The following MEIKIN variants were observed in gnomAD, a reference collection of about 807,000 sequenced individuals.
MEIKIN encodes the protein meiosis-specific kinetochore protein.
chr5:131,933,898 C>A (rs1432042940), intron 4 of MEIKIN, among the ~76,000 whole-genome samples: 1 of 149,630 alleles, frequency 6.7e-6, no homozygotes, highest in Admixed American at 6.6e-5. Flanking sequence ...CAACTTACTC[C>A]TTTTCTCTAG....
chr5:131,928,923 T>C (rs1751636728), intron 5 of MEIKIN, among the ~76,000 whole-genome samples: 1 of 152,240 alleles, frequency 6.6e-6, no homozygotes, highest in South Asian at 2.1e-4. Context: ...TATACTTTCA[T>C]GTTACTGTTT....
At chr5:131,827,940 C>T (rs1395019693) in intron 11 of MEIKIN, among the ~76,000 whole-genome samples, 1 of 151,682 alleles carries the variant, frequency 6.6e-6, no homozygotes, top group African/African-American at 2.4e-5. Context: ...CCCAGCTACT[C>T]AGGACGGCTG....
chr5:131,810,747 A>G (rs1772937727), intron 12 of MEIKIN, among the ~76,000 whole-genome samples: 1 of 152,186 alleles, frequency 6.6e-6, no homozygotes. Context: ...TCACTATTCC[A>G]ACGACTTACC....
chr5:131,867,330 G>A (rs537713901), intron 9 of MEIKIN, among the ~76,000 whole-genome samples: 7 of 152,214 alleles, frequency 4.6e-5, no homozygotes, highest in Non-Finnish European at 1.0e-4. Context: ...CTATACAATA[G>A]TGGTCTATTT....
intron 9 of MEIKIN, among the ~76,000 whole-genome samples, chr5:131,857,008 C>A (rs970110529): frequency 6.6e-6 from 1 of 150,830 alleles, no homozygotes; most frequent in Non-Finnish European, 1.5e-5. Context: ...GCACAACGTG[C>A]AGGTTAGTTA....
At chr5:131,927,354 C>G (rs1751603780) in intron 5 of MEIKIN, among the ~76,000 whole-genome samples, 1 of 152,156 alleles carries the variant, frequency 6.6e-6, no homozygotes, top group South Asian at 2.1e-4. Flanking sequence ...TTTCAGTCTT[C>G]CATTTGTTAA....
At chr5:131,873,967 C>T (rs922358709) in intron 9 of MEIKIN, among the ~76,000 whole-genome samples, 1 of 152,110 alleles carries the variant, frequency 6.6e-6, no homozygotes, top group African/African-American at 2.4e-5. Context: ...ACACAACATA[C>T]CAGAATCTCT....
chr5:131,824,650 A>G (rs1031406297), intron 11 of MEIKIN, among the ~76,000 whole-genome samples: 26 of 152,336 alleles, frequency 1.7e-4, no homozygotes, highest in Non-Finnish European at 1.9e-4. Flanking sequence ...AAGAAGCAGA[A>G]TAGATAGATA....
At chr5:131,932,771 G>A (rs551446311) in intron 5 of MEIKIN, among the ~76,000 whole-genome samples, 1 of 152,318 alleles carries the variant, frequency 6.6e-6, no homozygotes, top group Admixed American at 6.5e-5. Flanking sequence ...CTTTGAGCAG[G>A]AAAGGAGCAG....
intron 8 of MEIKIN, among the ~76,000 whole-genome samples, chr5:131,885,614 C>G (rs1465214911): frequency 6.6e-6 from 1 of 152,172 alleles, no homozygotes; most frequent in Non-Finnish European, 1.5e-5. Flanking sequence ...TCACAACACC[C>G]AAGTCCTTTC....
intron 12 of MEIKIN, among the ~76,000 whole-genome samples, chr5:131,815,600 A>G (rs543279581): frequency 6.6e-6 from 1 of 152,240 alleles, no homozygotes; most frequent in Non-Finnish European, 1.5e-5. Flanking sequence ...TCAATAGGCT[A>G]AGAAGCGACT....
At chr5:131,925,484 ACTT>A (rs1440899920) in intron 5 of MEIKIN, among the ~76,000 whole-genome samples, 4 of 152,018 alleles carry the variant, frequency 2.6e-5, no homozygotes, top group Non-Finnish European at 4.4e-5. Context: ...CATATCTTCT[ACTT>A]CTTAAGTTTA....
intron 5 of MEIKIN, among the ~76,000 whole-genome samples, chr5:131,922,624 G>T (rs1751524158): frequency 6.6e-6 from 1 of 152,070 alleles, no homozygotes. Flanking sequence ...TACGTAAACT[G>T]CTATTACTTA....
chr5:131,905,934 A>G (rs765653243), intron 8 of MEIKIN, among the ~76,000 whole-genome samples: 3 of 152,200 alleles, frequency 2.0e-5, no homozygotes, highest in African/African-American at 4.8e-5. Context: ...CCTGGAAAAT[A>G]ACCTAGGAAA....
At chr5:131,810,749 C>T (rs548197022) in intron 12 of MEIKIN, among the ~76,000 whole-genome samples, 1 of 152,310 alleles carries the variant, frequency 6.6e-6, no homozygotes, top group South Asian at 2.1e-4. Flanking sequence ...ACTATTCCAA[C>T]GACTTACCCA....
chr5:131,844,548 G>T (rs1561730244), intron 11 of MEIKIN, among the ~76,000 whole-genome samples: 1 of 152,256 alleles, frequency 6.6e-6, no homozygotes, highest in East Asian at 1.9e-4. Context: ...TTATAGGGCG[G>T]AATACCAGAG....
At chr5:131,883,606 G>A (rs1750731553) in intron 8 of MEIKIN, among the ~76,000 whole-genome samples, 2 of 152,232 alleles carry the variant, frequency 1.3e-5, no homozygotes, top group Admixed American at 1.3e-4. Flanking sequence ...GACAAAGCAA[G>A]ATGGCCGAAC....
At chr5:131,890,250 G>C (rs939014311) in intron 8 of MEIKIN, among the ~76,000 whole-genome samples, 2 of 152,084 alleles carry the variant, frequency 1.3e-5, no homozygotes, top group African/African-American at 2.4e-5. Flanking sequence ...TTTTTCTATT[G>C]AATGGAATAG....
chr5:131,906,246 C>A (rs753045904), intron 8 of MEIKIN, among the ~76,000 whole-genome samples: 4 of 152,106 alleles, frequency 2.6e-5, no homozygotes, highest in Non-Finnish European at 5.9e-5. Context: ...GACATACACA[C>A]GACCGACAAA....
Sources: allele counts gnomAD v4.1 joint callset (sites outside exome capture counted in the v4.1 genomes callset), GRCh38; gene constraint gnomAD v4.1.1; transcripts MANE v1.5; gene names NCBI Gene and HGNC (gene_info 2026-07-23, HGNC 2026-07-21).